Variants in ZDHHC23 observed in about 807,000 individuals in gnomAD.
The protein encoded by ZDHHC23 is zDHHC palmitoyltransferase 23, also known as palmitoyltransferase ZDHHC23.
A neutral mutation model predicts 40.2 loss-of-function variants in ZDHHC23; 41 were observed. That is an observed-to-expected ratio of 1.02 (90% CI 0.79 to 1.32). ZDHHC23 has a LOEUF of 1.32. ZDHHC23 is among the 40% of genes most tolerant of loss of function. The pLI is 0.00. For synonymous variants in ZDHHC23, 204 were observed against 210.2 expected (o/e 0.97, Z 0.26); for missense variants, 471 against 541.5 (o/e 0.87, Z 1.29).
chr3:113,976,679 C>G, the ZDHHC23 span, among the ~76,000 whole-genome samples: 18 of 151,392 alleles, frequency 1.2e-4, no homozygotes, highest in African/African-American at 4.4e-4. Context: ...TTGGGCCAAG[C>G]AGTGCATTGA....
At chr3:113,949,024 C>T in intron 2 of ZDHHC23, 61 bp downstream of exon 2, 3 of 1,589,178 alleles carry the variant, frequency 1.9e-6, no homozygotes, top group Non-Finnish European at 2.6e-6. Flanking sequence ...GCCATGTGTA[C>T]TTTCAACCTA....
the ZDHHC23 span, chr3:113,978,582 A>G: frequency 5.1e-6 from 3 of 583,712 alleles, no homozygotes; most frequent in South Asian, 4.8e-5. Flanking sequence ...GAGCACTGTG[A>G]GACAAGAAAC....
chr3:113,950,985 T>C (rs1461887894), intron 2 of ZDHHC23, among the ~76,000 whole-genome samples: 1 of 152,224 alleles, frequency 6.6e-6, no homozygotes, highest in Non-Finnish European at 1.5e-5. Context: ...AATCTTGGAC[T>C]TGATGTCCTG....
At chr3:113,969,048 A>G (rs1281793962), downstream of ZDHHC23, among the ~76,000 whole-genome samples, 1 of 152,142 alleles carries the variant, frequency 6.6e-6, no homozygotes, top group Non-Finnish European at 1.5e-5. Context: ...AGGAAAGCAA[A>G]GAAAAAGGGG....
chr3:113,951,675 G>A (rs973534578), intron 2 of ZDHHC23, among the ~76,000 whole-genome samples: 1 of 152,148 alleles, frequency 6.6e-6, no homozygotes, highest in Non-Finnish European at 1.5e-5. Context: ...TGCCTTCAGG[G>A]TCCTTCCATT....
the ZDHHC23 span, chr3:113,978,407 A>AAAGACAG: frequency 7.0e-7 from 1 of 1,434,320 alleles, no homozygotes. Flanking sequence ...AAACAGCACA[A>AAAGACAG]AAGACAGAAA....
At chr3:113,978,743 ACTC>A in the ZDHHC23 span, 2 of 1,073,586 alleles carry the variant, frequency 1.9e-6, no homozygotes, top group Non-Finnish European at 2.7e-6. Flanking sequence ...GGGATTGACT[ACTC>A]TTTTGTTCTT....
At chr3:113,978,634 T>TA in the ZDHHC23 span, 1 of 598,458 alleles carries the variant, frequency 1.7e-6, no homozygotes. Context: ...AATGATAACT[T>TA]ACAGTTTATA....
rs974339594 is a variant in ZDHHC23 at position 113,961,960 on chromosome 3, C to T, written c.*3330C>T. ...TTTTAGCCAGGATGTTTAAAAATTA[C>T]AGTTTTGTGAGACTTAAGGGTCTTT... On this transcript the variant is annotated 3_prime_UTR_variant, in exon 5 of 5. Transcript: ENST00000638807. The T allele has an allele frequency of 2.0e-5, 3 of 152,706 alleles. No individual in the cohort carries two copies. In the South Asian group the frequency reaches 6.2e-4, roughly 32 times the overall value. 9.5% of individuals were successfully genotyped at this position (152,706 alleles called of 1,614,324 possible).
chr3:113,978,382 A>T, the ZDHHC23 span: 1 of 1,572,944 alleles, frequency 6.4e-7, no homozygotes, highest in Non-Finnish European at 8.7e-7. Flanking sequence ...CAGTTGACAA[A>T]GAATTAGAGC....
At position 113,948,096 on chromosome 3, in the gene ZDHHC23, A is replaced by G. The variant is rs930265900; in HGVS notation, c.-212A>G. The G allele has an allele frequency of 6.6e-6, 1 of 152,002 alleles. No individual in the cohort carries two copies. The highest frequency in any genetic ancestry group is 2.1e-4 in the South Asian group (1 of 4,830). The allele number at this position is 152,002 out of a possible 1,614,324, so 9.4% of individuals were successfully genotyped here. ...TGCCGTCACGCCCGGGGCTCCGCGT[A>G]GCAGAGATCGGGAGACGCGTCTGTG... On this transcript the variant is annotated 5_prime_UTR_variant, in exon 1 of 5. Transcript: ENST00000638807.
At chr3:113,957,940 A>G in intron 4 of ZDHHC23, 1 of 424,578 alleles carries the variant, frequency 2.4e-6, no homozygotes, top group Admixed American at 2.9e-5. Flanking sequence ...TAGTAACTTT[A>G]GCACTGTTCC....
chr3:113,959,988 G>A lies in ZDHHC23; in HGVS notation c.*1358G>A. ...ATTAAGATGAGGGAATTTCAGATGA[G>A]GAAAATACCCTTTTGAAATGTTAGT... On this transcript the variant is annotated 3_prime_UTR_variant, in exon 5 of 5. Coordinates refer to ENST00000638807, the MANE Select transcript of ZDHHC23 (RefSeq NM_001320466.2). 2.0e-6 allele frequency: 2 copies of A among 991,304 alleles called. No individual in the cohort carries two copies. Among genetic ancestry groups the A allele is most frequent in the African/African-American group, 1.7e-5 (1 of 57,442 alleles). 61.4% of individuals were successfully genotyped at this position (991,304 alleles called of 1,614,324 possible). A position where few individuals can be genotyped will look rare whatever the true frequency, so the allele number is the denominator to read the frequency against.
At chr3:113,950,598 GGACACA>G (rs936995281) in intron 2 of ZDHHC23, among the ~76,000 whole-genome samples, 3 of 152,116 alleles carry the variant, frequency 2.0e-5, no homozygotes, top group Non-Finnish European at 4.4e-5. Flanking sequence ...AACTTTGGAG[GGACACA>G]GATACTTCCT....
chr3:113,971,411 CT>C, the ZDHHC23 span, among the ~76,000 whole-genome samples: 1 of 152,050 alleles, frequency 6.6e-6, no homozygotes, highest in Admixed American at 6.6e-5. Flanking sequence ...TATTGAATGC[CT>C]TTTTGGACAT....
intron 3 of ZDHHC23, among the ~76,000 whole-genome samples, chr3:113,954,804 A>G (rs1303580942): frequency 6.6e-6 from 1 of 152,186 alleles, no homozygotes; most frequent in Non-Finnish European, 1.5e-5. Context: ...AAGAAAGTGT[A>G]CCCCTATTTT....
chr3:113,955,296 T>C (rs143599874), intron 3 of ZDHHC23, among the ~76,000 whole-genome samples: 111 of 152,276 alleles, frequency 7.3e-4, no homozygotes, highest in African/African-American at 2.6e-3. Context: ...TCTGGGTCCT[T>C]GTCTTTAGAA....
chr3:113,969,343 T>C (rs2200576), downstream of ZDHHC23, among the ~76,000 whole-genome samples: 178 of 152,342 alleles, frequency 1.2e-3, no homozygotes, highest in African/African-American at 4.0e-3. Context: ...GCAGAAACTT[T>C]TTAGCTTGAT....
At chr3:113,957,514 C>T (rs1213750343) in intron 4 of ZDHHC23, 2 of 369,508 alleles carry the variant, frequency 5.4e-6, no homozygotes, top group Non-Finnish European at 1.1e-5. Context: ...CACAGCATGT[C>T]TGTGCACTCT....
Sources: gnomAD v4.1 joint callset for allele counts (sites outside exome capture counted in the v4.1 genomes callset) on GRCh38, gnomAD v4.1.1 for gene constraint, MANE v1.5 for transcripts, NCBI Gene and HGNC (gene_info 2026-07-23, HGNC 2026-07-21) for gene names.